AQP2: variants seen among roughly 807,000 people sequenced by gnomAD.
The protein encoded by AQP2 is aquaporin-2.
In AQP2, 20 loss-of-function variants were observed where a neutral mutation model predicts 21.6. That is an observed-to-expected ratio of 0.92 (90% CI 0.65 to 1.34). The LOEUF (loss-of-function observed/expected upper bound fraction) is 1.34, where lower values mean the gene tolerates loss of function less well. Among genes scored for constraint, AQP2 ranks in the 40% most tolerant of loss-of-function variants. AQP2 has a pLI of 0.00. For synonymous variants in AQP2, 168 were observed against 166.9 expected (o/e 1.01, Z -0.05); for missense variants, 325 against 363.4 (o/e 0.89, Z 0.86).
chr12:49,953,753 C>G (rs404117), intron 1 of AQP2, among the ~76,000 whole-genome samples: 140,228 of 152,274 alleles, frequency 0.92, 65,607 homozygotes, highest in East Asian at 1. Flanking sequence ...TGATGGTCTA[C>G]AGACAGAGGA....
rs1947323187 is a variant in AQP2, at chr12:49,950,864, G to A, written c.34G>A (p.Ala12Thr). 1.2e-6 allele frequency: 2 copies of A among 1,613,338 alleles called. No individual in the cohort carries two copies. The highest frequency in any genetic ancestry group is 1.3e-5 in the African/African-American group (1 of 75,054). The change falls in exon 1 of 4, where the codon GCT becomes ACT. Residue 12 changes from alanine to threonine, a missense_variant. Coordinates refer to ENST00000199280, the MANE Select transcript of AQP2 (RefSeq NM_000486.6). ...WELRSIAFSR[A>T]VFAEFLATLL... is the part of the protein sequence containing the mutation. ...GCTCCGCTCCATAGCCTTCTCCAGGGCTGTGTTCGCAGAGTTCCTGGCCAC... is the reference window on the plus strand; with the variant it reads ...GCTCCGCTCCATAGCCTTCTCCAGGACTGTGTTCGCAGAGTTCCTGGCCAC...
rs1565637342 is a variant in AQP2, at chr12:49,955,736, G to C, written c.*128G>C. 2 of 1,248,704 alleles carry C rather than the reference G, an allele frequency of 1.6e-6. No homozygotes were observed. Among genetic ancestry groups the C allele is most frequent in the Non-Finnish European group, 2.2e-6 (2 of 888,908 alleles). The allele number at this position is 1,248,704 out of a possible 1,614,324, so 77.4% of individuals were successfully genotyped here. A position where few individuals can be genotyped will look rare whatever the true frequency, so the allele number is the denominator to read the frequency against. ...AGCGCAGAGTAGCTGCTTCCTGGAC[G>C]TGCGCGCCCAGGCCAGTGCTGTGAG... On this transcript the variant is annotated 3_prime_UTR_variant, in exon 4 of 4. Transcript: ENST00000199280.
chr12:49,954,490 C>T lies in AQP2; in HGVS notation c.526-140C>T, dbSNP rs2277354. 15 of 1,247,790 alleles carry T rather than the reference C, an allele frequency of 1.2e-5. No homozygotes were observed. In the East Asian group the frequency reaches 3.4e-4, roughly 28 times the overall value. 77.3% of individuals were successfully genotyped at this position (1,247,790 alleles called of 1,614,324 possible). A position where few individuals can be genotyped will look rare whatever the true frequency, so the allele number is the denominator to read the frequency against. On this transcript the variant is annotated intron_variant, in intron 2 of 3. Coordinates refer to ENST00000199280, the MANE Select transcript of AQP2 (RefSeq NM_000486.6). ...CAGAGGGACAGATATCACTCCAGCC[C>T]ATCTGTAAATAAAACGTGATGTTAA...
At chr12:49,955,323 T>A in intron 3 of AQP2, 76 bp from the exon 4 acceptor site, 1 of 1,440,412 alleles carries the variant, frequency 6.9e-7, no homozygotes, top group Non-Finnish European at 9.5e-7. Flanking sequence ...GGCCGCAGAG[T>A]GTGCCGCCGG....
chr12:49,955,818 A>C lies in AQP2; in HGVS notation c.*210A>C. ...TGAGCCTGGCAGGTCCCCTGCCCTGAGGCTGTGAGCAGCTAGTGGTGGCTT... is the reference window on the plus strand; with the variant it reads ...TGAGCCTGGCAGGTCCCCTGCCCTGCGGCTGTGAGCAGCTAGTGGTGGCTT... On this transcript the variant is annotated 3_prime_UTR_variant, in exon 4 of 4. Coordinates refer to ENST00000199280, the MANE Select transcript of AQP2 (RefSeq NM_000486.6). 2.7e-6 allele frequency: 2 copies of C among 737,508 alleles called. No individual in the cohort carries two copies. Among genetic ancestry groups the C allele is most frequent in the Non-Finnish European group, 4.7e-6 (2 of 422,070 alleles). The allele number at this position is 737,508 out of a possible 1,614,324, so 45.7% of individuals were successfully genotyped here. A position where few individuals can be genotyped will look rare whatever the true frequency, so the allele number is the denominator to read the frequency against.
rs1377805389 is a variant in AQP2, at chr12:49,957,441, CT to C, written c.*1834del. 1 of 152,416 alleles carries C rather than the reference CT, an allele frequency of 6.6e-6. No individual in the cohort carries two copies. The highest frequency in any genetic ancestry group is 2.4e-5 in the African/African-American group (1 of 41,462). 9.4% of individuals were successfully genotyped at this position (152,416 alleles called of 1,614,324 possible). On this transcript the variant is annotated 3_prime_UTR_variant, in exon 4 of 4. Coordinates refer to ENST00000199280, the MANE Select transcript of AQP2 (RefSeq NM_000486.6). ...TGTGGCCTCCATGCCTTCAAGACTT[CT>C]GTCTGTATCTATCTCACACTGCACC...
rs945334171 is a variant in AQP2, at chr12:49,951,072, T to C, written c.242T>C (p.Val81Ala). The stretch of plus-strand genomic sequence containing the variant: ...GTGGCCTGCCTGGTGGGCTGCCACG[T>C]CTCCGTTCTCCGAGCCGCCTTCTAC... ...VTVACLVGCHVSVLRAAFYVA... is the reference protein window; with the variant it reads ...VTVACLVGCHASVLRAAFYVA... The change falls in exon 1 of 4, where the codon GTC (valine) becomes GCC (alanine). Residue 81 changes from valine (V) to alanine (A), a missense_variant. Physicochemically the swap from Val to Ala is moderately conservative, Grantham distance 64. Transcript: ENST00000199280. The C allele has an allele frequency of 6.2e-7, 1 of 1,611,718 alleles. No individual in the cohort carries two copies. The highest frequency in any genetic ancestry group is 8.5e-7 in the Non-Finnish European group (1 of 1,178,264).
At chr12:49,954,061 C>T (rs933364005) in intron 1 of AQP2, 94 bp from the exon 2 acceptor site, 3 of 1,534,472 alleles carry the variant, frequency 2.0e-6, no homozygotes, top group Non-Finnish European at 2.7e-6. Context: ...AGCCCAGAGG[C>T]CCCCTGGTGC....
At chr12:49,952,513 A>C (rs568583697) in intron 1 of AQP2, among the ~76,000 whole-genome samples, 1 of 152,326 alleles carries the variant, frequency 6.6e-6, no homozygotes, top group African/African-American at 2.4e-5. Flanking sequence ...GAACAAAATT[A>C]GTTCAGTTTG....
Position 49,954,306 on chromosome 12 carries a change from GC to G in AQP2, c.514del (p.His172ThrfsTer12). The G allele has an allele frequency of 6.2e-7, 1 of 1,609,054 alleles. No homozygotes were observed. Among genetic ancestry groups the G allele is most frequent in the Non-Finnish European group, 8.5e-7 (1 of 1,179,684 alleles). On this transcript the variant is annotated frameshift_variant, in exon 2 of 4. Transcript: ENST00000199280. LOFTEE classifies it high-confidence loss of function. The part of the protein sequence containing the change: ...ALSIGFSVAL[G>X]HLLGIHYTGC... Reference sequence around the variant, plus strand: ...TCCATAGGCTTCTCTGTGGCCCTGGGCCACCTCCTTGGGGTAGGTCATGGCC... The same window carrying G: ...TCCATAGGCTTCTCTGTGGCCCTGGGCACCTCCTTGGGGTAGGTCATGGCC...
At chr12:49,952,689 G>A (rs1032798837) in intron 1 of AQP2, among the ~76,000 whole-genome samples, 1 of 152,300 alleles carries the variant, frequency 6.6e-6, no homozygotes. Flanking sequence ...AGAAAGGTCT[G>A]GGAGGGCTCC....
rs1486287656 is a variant in AQP2 at position 49,955,466 on chromosome 12, C to T, written c.674C>T (p.Pro225Leu). Residue 225 changes from proline to leucine, a missense_variant, in exon 4 of 4, where the codon CCG becomes CTG. Coordinates refer to ENST00000199280, the MANE Select transcript of AQP2 (RefSeq NM_000486.6). ...CTCCTCTACAACTACGTGCTGTTTC[C>T]GCCAGCCAAGAGCCTGTCGGAGCGC... ...GSLLYNYVLF[P>L]PAKSLSERLA... 5 of 1,612,708 alleles carry T rather than the reference C, an allele frequency of 3.1e-6. No homozygotes were observed. In the Admixed American group the frequency reaches 5.0e-5, roughly 16 times the overall value.
intron 1 of AQP2, among the ~76,000 whole-genome samples, chr12:49,952,738 G>A (rs1222620745): frequency 6.6e-6 from 1 of 152,172 alleles, no homozygotes; most frequent in Non-Finnish European, 1.5e-5. Context: ...TTGAGGACCT[G>A]GGGAGAACCC....
chr12:49,954,793 G>T, intron 3 of AQP2, 83 bp downstream of exon 3: 1 of 1,487,758 alleles, frequency 6.7e-7, no homozygotes, highest in Non-Finnish European at 9.4e-7. Context: ...CATGGGATGG[G>T]GGCTCAGCAG....
At chr12:49,951,365 C>A in intron 1 of AQP2, 175 bp downstream of exon 1, 1 of 873,344 alleles carries the variant, frequency 1.1e-6, no homozygotes, top group Non-Finnish European at 1.7e-6. Flanking sequence ...ATGAAAGGAG[C>A]AATGATACCA....
intron 1 of AQP2, chr12:49,951,483 G>T (rs1463253382): frequency 2.1e-6 from 1 of 466,244 alleles, no homozygotes; most frequent in African/African-American, 1.9e-5. Context: ...TTACAGTGAA[G>T]ACAGGGCTAT....
In AQP2 at chr12:49,951,205, CT is replaced by C; in HGVS notation, c.360+18del. 6.3e-7 allele frequency: 1 copy of C among 1,599,708 alleles called. No homozygotes were observed. Among genetic ancestry groups the C allele is most frequent in the Non-Finnish European group, 8.5e-7 (1 of 1,173,046 alleles). On this transcript the variant is annotated intron_variant, in intron 1 of 3. Transcript: ENST00000199280. Reference sequence around the variant, plus strand: ...CTGTCAATGCTGTGAGTAGCCACAACTTTGCCATCCACAAGGGGCAGGTCCT... The same window carrying C: ...CTGTCAATGCTGTGAGTAGCCACAACTTGCCATCCACAAGGGGCAGGTCCT...
At chr12:49,953,552 C>T (rs1947344551) in intron 1 of AQP2, among the ~76,000 whole-genome samples, 1 of 152,166 alleles carries the variant, frequency 6.6e-6, no homozygotes, top group Admixed American at 6.5e-5. Flanking sequence ...AGGGAGCAAA[C>T]TAACAGGGCA....
Position 49,957,985 on chromosome 12 carries a change from T to G in AQP2, c.*2377T>G, listed in dbSNP as rs552843466. 16 of 152,316 alleles carry G rather than the reference T, an allele frequency of 1.1e-4. No homozygotes were observed. Among genetic ancestry groups the G allele is most frequent in the Admixed American group, 6.5e-4 (10 of 15,308 alleles). 9.4% of individuals were successfully genotyped at this position (152,316 alleles called of 1,614,324 possible). A position where few individuals can be genotyped will look rare whatever the true frequency, so the allele number is the denominator to read the frequency against. On this transcript the variant is annotated 3_prime_UTR_variant, in exon 4 of 4. Coordinates refer to ENST00000199280, the MANE Select transcript of AQP2 (RefSeq NM_000486.6). ...CCATTTCTAGCCTCTATTGCCCAGA[T>G]TGGAGTCAGAGGTCAAAAAAGGATT...
Sources: gnomAD v4.1 joint callset for allele counts (sites outside exome capture counted in the v4.1 genomes callset) on GRCh38, gnomAD v4.1.1 for gene constraint, MANE v1.5 for transcripts, NCBI Gene and HGNC (gene_info 2026-07-23, HGNC 2026-07-21) for gene names.